The following CTNNA3 variants were observed in gnomAD, a reference collection of about 807,000 sequenced individuals.
CTNNA3 encodes the protein catenin alpha 3.
A neutral mutation model predicts 95.7 loss-of-function variants in CTNNA3; 76 were observed. That is an observed-to-expected ratio of 0.79 (90% CI 0.66 to 0.96). The LOEUF (loss-of-function observed/expected upper bound fraction) is 0.96, where lower values mean the gene tolerates loss of function less well. Ranked by LOEUF, CTNNA3 falls within the 40% of genes least tolerant of loss-of-function variation. The pLI is 0.00. For missense variants in CTNNA3, 1,191 were observed against 1,089.8 expected (o/e 1.09, Z -1.31); for synonymous variants, 431 against 374.4 (o/e 1.15, Z -1.74).
chr10:67,420,000 C>T (rs966393524), intron 5 of CTNNA3, among the ~76,000 whole-genome samples: 2 of 152,204 alleles, frequency 1.3e-5, no homozygotes. Context: ...TATAGGTGCC[C>T]ACCACCATGC....
chr10:66,786,153 T>G (rs1253357358), intron 7 of CTNNA3, among the ~76,000 whole-genome samples: 1 of 152,108 alleles, frequency 6.6e-6, no homozygotes, highest in African/African-American at 2.4e-5. Context: ...TCCCTGTAGT[T>G]GCAGGCCTAG....
intron 15 of CTNNA3, among the ~76,000 whole-genome samples, chr10:66,043,956 CTGTGTGTGTGTGTGTGTGTGTGTG>C (rs59559225): frequency 6.9e-6 from 1 of 144,380 alleles, no homozygotes; most frequent in East Asian, 2.1e-4. Flanking sequence ...TAGGACTATG[CTGTGTGTGTGTGTGTGTGTGTGTG>C]TGTGTGTGTG....
intron 11 of CTNNA3, among the ~76,000 whole-genome samples, chr10:66,386,867 T>C (rs571894052): frequency 2.8e-4 from 42 of 152,282 alleles, no homozygotes; most frequent in African/African-American, 1.0e-3. Context: ...ATTTAATAAA[T>C]GGTGCTGGGA....
Position 65,914,454 on chromosome 10 carries a change from A to C in CTNNA3, c.*5876T>G, listed in dbSNP as rs2076982880. 1 of 152,184 alleles carries C rather than the reference A, an allele frequency of 6.6e-6. No individual in the cohort carries two copies. Among genetic ancestry groups the C allele is most frequent in the East Asian group, 1.9e-4 (1 of 5,190 alleles). The allele number at this position is 152,184 out of a possible 1,614,324, so 9.4% of individuals were successfully genotyped here. ...TCTAGCCTTCAGTCGACTCTAAAAA[A>C]GGCCATGTAATTTTAAAACACAAAG... On this transcript the variant is annotated 3_prime_UTR_variant, in exon 18 of 18. Coordinates refer to ENST00000433211, the MANE Select transcript of CTNNA3 (RefSeq NM_013266.4).
At chr10:66,006,530 C>T (rs2078888298) in intron 15 of CTNNA3, among the ~76,000 whole-genome samples, 1 of 152,124 alleles carries the variant, frequency 6.6e-6, no homozygotes, top group Admixed American at 6.6e-5. Context: ...GCACATTAAT[C>T]AAAGCCAATG....
intron 17 of CTNNA3, among the ~76,000 whole-genome samples, chr10:65,951,987 A>G (rs1353184035): frequency 5.6e-5 from 8 of 142,374 alleles, no homozygotes; most frequent in Admixed American, 1.5e-4. Flanking sequence ...CCGAGATGGC[A>G]CCATTGCACT....
At chr10:66,521,258 T>A (rs1841059194) in intron 10 of CTNNA3, among the ~76,000 whole-genome samples, 1 of 152,072 alleles carries the variant, frequency 6.6e-6, no homozygotes, top group African/African-American at 2.4e-5. Flanking sequence ...AGAGTGAGTT[T>A]TTTAAATATA....
intron 15 of CTNNA3, among the ~76,000 whole-genome samples, chr10:66,025,141 A>G (rs1403904914): frequency 3.3e-5 from 5 of 152,312 alleles, no homozygotes; most frequent in Non-Finnish European, 5.9e-5. Context: ...TACATACTCT[A>G]TTTGCATTTG....
At chr10:67,376,788 A>G (rs1843709572) in intron 5 of CTNNA3, among the ~76,000 whole-genome samples, 1 of 152,206 alleles carries the variant, frequency 6.6e-6, no homozygotes, top group Admixed American at 6.5e-5. Context: ...TCTTAAGGGA[A>G]CTCTTGGAAA....
At chr10:66,548,091 AT>A (rs1369834264) in intron 10 of CTNNA3, among the ~76,000 whole-genome samples, 32 of 151,766 alleles carry the variant, frequency 2.1e-4, no homozygotes, top group African/African-American at 7.7e-4. Flanking sequence ...CCCATTTTGT[AT>A]TTTTAGTAGA....
intron 13 of CTNNA3, among the ~76,000 whole-genome samples, chr10:66,157,156 G>A (rs10996936): frequency 0.15 from 22,714 of 151,710 alleles, 2,153 homozygotes; most frequent in Middle Eastern, 0.22. Context: ...AGTAGTATAC[G>A]CTGCACCTTA....
chr10:67,119,840 G>A (rs1859371153), intron 7 of CTNNA3, among the ~76,000 whole-genome samples: 1 of 151,790 alleles, frequency 6.6e-6, no homozygotes, highest in Non-Finnish European at 1.5e-5. Context: ...TATTTTTAAA[G>A]GACATTTCAG....
intron 12 of CTNNA3, among the ~76,000 whole-genome samples, chr10:66,374,606 C>CTT (rs58880058): frequency 0.073 from 6,444 of 88,038 alleles, 997 homozygotes; most frequent in East Asian, 0.18. Context: ...AAAGAAAAGC[C>CTT]TTTTTTTTTT....
intron 3 of CTNNA3, among the ~76,000 whole-genome samples, chr10:67,596,535 A>T (rs538704021): frequency 6.6e-6 from 1 of 152,204 alleles, no homozygotes; most frequent in Non-Finnish European, 1.5e-5. Flanking sequence ...AGTTTGACTG[A>T]ATATGAACTT....
intron 15 of CTNNA3, among the ~76,000 whole-genome samples, chr10:66,016,571 T>A (rs867125172): frequency 2.0e-5 from 3 of 152,178 alleles, no homozygotes; most frequent in Admixed American, 6.5e-5. Flanking sequence ...AAAATAGAAA[T>A]AACCCCACTT....
At chr10:66,617,328 C>T (rs1029737104) in intron 10 of CTNNA3, among the ~76,000 whole-genome samples, 1 of 151,800 alleles carries the variant, frequency 6.6e-6, no homozygotes, top group Admixed American at 6.6e-5. Flanking sequence ...GTTGTCCAAA[C>T]TGAATCCAGC....
intron 15 of CTNNA3, among the ~76,000 whole-genome samples, chr10:66,034,088 G>A (rs1589273526): frequency 6.6e-6 from 1 of 152,034 alleles, no homozygotes; most frequent in East Asian, 1.9e-4. Flanking sequence ...GAAATGATAT[G>A]ACAATAAATA....
chr10:66,651,656 C>CT (rs1845905914), intron 9 of CTNNA3, among the ~76,000 whole-genome samples: 1 of 152,044 alleles, frequency 6.6e-6, no homozygotes, highest in Non-Finnish European at 1.5e-5. Context: ...CAGTGCCCGC[C>CT]GGCCGGCACT....
chr10:67,667,169 T>C (rs1840345952), intron 1 of CTNNA3, among the ~76,000 whole-genome samples: 1 of 152,174 alleles, frequency 6.6e-6, no homozygotes, highest in Non-Finnish European at 1.5e-5. Flanking sequence ...TTTAAAGATA[T>C]ACTTCCTGTT....
Sources: gnomAD v4.1 joint callset for allele counts (sites outside exome capture counted in the v4.1 genomes callset) on GRCh38, gnomAD v4.1.1 for gene constraint, MANE v1.5 for transcripts, NCBI Gene and HGNC (gene_info 2026-07-23, HGNC 2026-07-21) for gene names.